Variants in SLC17A1 observed in about 807,000 individuals in gnomAD.
SLC17A1 encodes sodium-dependent phosphate transport protein 1.
A neutral mutation model predicts 53.5 loss-of-function variants in SLC17A1; 51 were observed. The ratio of observed to expected loss-of-function variants is 0.95; its 90% confidence interval spans 0.76 to 1.20. SLC17A1 has a LOEUF of 1.20. Among genes scored for constraint, SLC17A1 ranks in the 50% most tolerant of loss-of-function variants. The probability of loss-of-function intolerance (pLI) is 0.00; values close to 1 mark genes in which losing one functional copy is unlikely to be tolerated. For synonymous variants in SLC17A1, 179 were observed against 198.8 expected (o/e 0.90, Z 0.84); for missense variants, 538 against 568.2 (o/e 0.95, Z 0.54).
the SLC17A1 span, among the ~76,000 whole-genome samples, chr6:25,753,098 C>T: frequency 2.0e-5 from 3 of 152,112 alleles, no homozygotes; most frequent in Non-Finnish European, 2.9e-5. Flanking sequence ...TAGGCTGACA[C>T]AAAATCAAGA....
intron 12 of SLC17A1, among the ~76,000 whole-genome samples, chr6:25,787,806 C>T (rs1420863400): frequency 6.6e-6 from 1 of 152,212 alleles, no homozygotes; most frequent in African/African-American, 2.4e-5. Context: ...CCCCCTTACC[C>T]TGACCACTCA....
downstream of SLC17A1, chr6:25,781,178 A>C (rs1179176385): frequency 9.6e-4 from 4 of 4,154 alleles, no homozygotes. Flanking sequence ...GATTAGCAGA[A>C]AGAAAGAAAG....
chr6:25,793,617 T>C (rs1371144857), intron 12 of SLC17A1, among the ~76,000 whole-genome samples: 1 of 152,140 alleles, frequency 6.6e-6, no homozygotes, highest in East Asian at 1.9e-4. Flanking sequence ...GTCCTGATGA[T>C]GTTGCTCACT....
At chr6:25,724,792 A>G in the SLC17A1 span, among the ~76,000 whole-genome samples, 1 of 152,200 alleles carries the variant, frequency 6.6e-6, no homozygotes, top group Non-Finnish European at 1.5e-5. Flanking sequence ...AATATTACCC[A>G]GTTTTATTCA....
chr6:25,787,981 C>A (rs76396629), intron 12 of SLC17A1, among the ~76,000 whole-genome samples: 1,884 of 152,302 alleles, frequency 0.012, 31 homozygotes, highest in African/African-American at 0.041. Context: ...TTCTCTGCTG[C>A]AAAACCTATG....
At chr6:25,822,749 A>G (rs1764608528) in intron 3 of SLC17A1, among the ~76,000 whole-genome samples, 1 of 152,192 alleles carries the variant, frequency 6.6e-6, no homozygotes. Flanking sequence ...GCACTGGAAT[A>G]TCATAAATAT....
chr6:25,763,431 G>C, the SLC17A1 span, among the ~76,000 whole-genome samples: 2 of 152,196 alleles, frequency 1.3e-5, no homozygotes, highest in Non-Finnish European at 2.9e-5. Flanking sequence ...AAACCTTGCA[G>C]AGTGCTTTGT....
the SLC17A1 span, among the ~76,000 whole-genome samples, chr6:25,742,235 C>G: frequency 6.6e-6 from 1 of 152,120 alleles, no homozygotes; most frequent in Non-Finnish European, 1.5e-5. Flanking sequence ...CAGAGTTCAG[C>G]CATATCAGGA....
chr6:25,770,307 A>G, the SLC17A1 span: 2 of 1,613,856 alleles, frequency 1.2e-6, no homozygotes, highest in East Asian at 2.2e-5. Flanking sequence ...CCAGGTACCA[A>G]GATGTTTTCC....
rs72542429 is a variant in SLC17A1, at chr6:25,830,562, G to C, written c.-5C>G. ...CAACCGGTTATCCATTTGCATACAC[G>C]GCTGAAGTTGCTTCTCTTCTTGCTG... On this transcript the variant is annotated 5_prime_UTR_variant, in exon 2 of 13. Transcript: ENST00000244527. 3.7e-6 allele frequency: 6 copies of C among 1,613,738 alleles called. No individual in the cohort carries two copies. The South Asian group carries it at 5.5e-5, about 15-fold the overall frequency.
chr6:25,804,085 T>C (rs1763875870), intron 10 of SLC17A1, among the ~76,000 whole-genome samples: 1 of 152,180 alleles, frequency 6.6e-6, no homozygotes, highest in Non-Finnish European at 1.5e-5. Context: ...ATATCATTAA[T>C]GATTAACATA....
intron 6 of SLC17A1, among the ~76,000 whole-genome samples, chr6:25,816,438 G>A (rs953581240): frequency 4.6e-5 from 7 of 152,242 alleles, no homozygotes; most frequent in African/African-American, 1.4e-4. Context: ...AGACATTCCA[G>A]GCATGATGAT....
rs543722177 is a variant in SLC17A1, at chr6:25,796,783, A to G, written c.*2+2000T>C. Reference sequence around the variant, plus strand: ...CCCACTTGGATTTTCTAAGTAGACAACCATATCATCTGCTCATAATGATAA... The same window carrying G: ...CCCACTTGGATTTTCTAAGTAGACAGCCATATCATCTGCTCATAATGATAA... On this transcript the variant is annotated intron_variant, in intron 12 of 12. Transcript: ENST00000244527. 7.9e-5 allele frequency among the ~76,000 whole-genome samples: 12 copies of G among 152,314 alleles called. No individual in the cohort carries two copies. The East Asian group carries it at 2.3e-3, about 29-fold the overall frequency.
chr6:25,811,359 T>C (rs1237572149), intron 10 of SLC17A1, 39 bp downstream of exon 10: 1 of 1,557,820 alleles, frequency 6.4e-7, no homozygotes, highest in South Asian at 1.2e-5. Flanking sequence ...CAATATTTAT[T>C]TGTTAAAGGT....
chr6:25,742,083 GC>G, the SLC17A1 span, among the ~76,000 whole-genome samples: 4 of 152,076 alleles, frequency 2.6e-5, no homozygotes, highest in Admixed American at 2.6e-4. Context: ...CTATAATCAA[GC>G]CAAACCGGTC....
the SLC17A1 span, among the ~76,000 whole-genome samples, chr6:25,727,573 G>C: frequency 0.012 from 1,742 of 140,256 alleles, 19 homozygotes; most frequent in Admixed American, 0.032. Flanking sequence ...TGTATTTTTA[G>C]TAGAGACGGG....
intron 10 of SLC17A1, among the ~76,000 whole-genome samples, chr6:25,802,687 T>C (rs1763817207): frequency 6.6e-6 from 1 of 152,066 alleles, no homozygotes; most frequent in Admixed American, 6.5e-5. Context: ...TATCAATTGA[T>C]TGGCTCTGGC....
the SLC17A1 span, chr6:25,777,821 T>C: frequency 3.4e-6 from 3 of 884,514 alleles, no homozygotes. Context: ...CCAGCTGATA[T>C]TAACCCTTTG....
chr6:25,820,104 T>C (rs1034643278), intron 3 of SLC17A1, among the ~76,000 whole-genome samples, 189 bp from the exon 4 acceptor site: 9 of 152,206 alleles, frequency 5.9e-5, no homozygotes, highest in African/African-American at 2.2e-4. Flanking sequence ...CATTTTATCA[T>C]TGGAGTAATG....
Sources: allele counts gnomAD v4.1 joint callset (sites outside exome capture counted in the v4.1 genomes callset), GRCh38; gene constraint gnomAD v4.1.1; transcripts MANE v1.5; gene names NCBI Gene and HGNC (gene_info 2026-07-23, HGNC 2026-07-21).